The following ARHGEF4 variants were observed in gnomAD, a reference collection of about 807,000 sequenced individuals.
ARHGEF4 encodes Rho guanine nucleotide exchange factor 4.
Under a neutral mutation model 162.0 loss-of-function variants are expected in ARHGEF4, and 119 were observed. The observed-to-expected ratio is 0.73, with a 90% confidence interval of 0.63 to 0.86. ARHGEF4 has a LOEUF of 0.86. ARHGEF4 is among the 40% of genes least tolerant of loss of function. The probability of loss-of-function intolerance (pLI) is 0.00; values close to 1 mark genes in which losing one functional copy is unlikely to be tolerated. For missense variants in ARHGEF4, 2,488 were observed against 2,456.0 expected, an observed-to-expected ratio of 1.01 and a Z score of -0.28; for synonymous variants, 1,014 against 979.9, an observed-to-expected ratio of 1.03 and a Z score of -0.65.
chr2:130,878,386 TACTC>T (rs959077234), intron 1 of ARHGEF4, among the ~76,000 whole-genome samples: 1 of 152,206 alleles, frequency 6.6e-6, no homozygotes, highest in African/African-American at 2.4e-5. Flanking sequence ...AGGATTTTAT[TACTC>T]ACAGGCCAGA....
At chr2:130,992,809 T>G (rs189159835) in intron 4 of ARHGEF4, among the ~76,000 whole-genome samples, 2 of 152,264 alleles carry the variant, frequency 1.3e-5, no homozygotes, top group Admixed American at 6.5e-5. Flanking sequence ...ATCGGCCAGG[T>G]TCAGTACATC....
At chr2:131,021,467 A>G (rs928703408) in intron 4 of ARHGEF4, among the ~76,000 whole-genome samples, 2 of 152,170 alleles carry the variant, frequency 1.3e-5, no homozygotes, top group Non-Finnish European at 2.9e-5. Context: ...TACACCTTAT[A>G]CAAAAATTAA....
chr2:130,852,609 G>C (rs1395848794), intron 1 of ARHGEF4, among the ~76,000 whole-genome samples: 2 of 152,184 alleles, frequency 1.3e-5, no homozygotes, highest in East Asian at 3.9e-4. Context: ...TGGCCCATAA[G>C]GTGGGACGCC....
In ARHGEF4 at chr2:130,922,315, G is replaced by A. The variant is rs190274748; in HGVS notation, c.3552+4817G>A. Among the ~76,000 whole-genome samples the A allele has an allele frequency of 6.1e-4, 92 of 151,748 alleles. 1 individual carries two copies. Among genetic ancestry groups the A allele is most frequent in the Non-Finnish European group, 7.1e-4 (48 of 67,944 alleles). Reference sequence around the variant, plus strand: ...GAACCCAGGAGGTGGAGGTTGCGGCGAGCCGAGATTGCACCGTTGCACTCC... The same window carrying A: ...GAACCCAGGAGGTGGAGGTTGCGGCAAGCCGAGATTGCACCGTTGCACTCC... On this transcript the variant is annotated intron_variant, in intron 2 of 13. Transcript: ENST00000409359.
chr2:130,855,617 A>G (rs1681721391), intron 1 of ARHGEF4, among the ~76,000 whole-genome samples: 1 of 152,194 alleles, frequency 6.6e-6, no homozygotes, highest in African/African-American at 2.4e-5. Context: ...ACAGGCATGC[A>G]TACTTGCATG....
In ARHGEF4 at chr2:131,035,554, TG is replaced by T. The variant is rs1214084348; in HGVS notation, c.4126-3295del. 2.2e-5 allele frequency: 14 copies of T among 645,466 alleles called. 1 individual carries two copies. The Admixed American group carries it at 4.7e-4, about 22-fold the overall frequency. 40.0% of individuals were successfully genotyped at this position (645,466 alleles called of 1,614,324 possible). A position where few individuals can be genotyped will look rare whatever the true frequency, so the allele number is the denominator to read the frequency against. ...GAGTAACCGAGGATGCGGATTCAGC[TG>T]GGGCTCCCCGGCTGCTTGTCTGGAA... On this transcript the variant is annotated intron_variant, in intron 5 of 13. Coordinates refer to ENST00000409359, the MANE Select transcript of ARHGEF4 (RefSeq NM_001367493.1).
In ARHGEF4 at chr2:130,931,121, C is replaced by G. The variant is rs1383049756; in HGVS notation, c.3722C>G (p.Pro1241Arg). The G allele has an allele frequency of 1.2e-6, 2 of 1,614,198 alleles. No homozygotes were observed. The highest frequency in any genetic ancestry group is 1.1e-5 in the South Asian group (1 of 91,070). Residue 1241 changes from proline to arginine, a missense_variant, in exon 3 of 14, where the codon CCT (proline) becomes CGT (arginine). Coordinates refer to ENST00000409359, the MANE Select transcript of ARHGEF4 (RefSeq NM_001367493.1). The stretch of plus-strand genomic sequence containing the variant: ...GTGCGTGGGGAGGCTCCTTCACAGC[C>G]TAGGGGCATCCCTCACCGCTCGCCC... ...ETVRGEAPSQPRGIPHRSPVS... is the reference protein window; with the variant it reads ...ETVRGEAPSQRRGIPHRSPVS...
chr2:131,017,440 T>C (rs1201880180), intron 4 of ARHGEF4, among the ~76,000 whole-genome samples: 1 of 152,184 alleles, frequency 6.6e-6, no homozygotes, highest in Non-Finnish European at 1.5e-5. Context: ...GGAGCTGGAA[T>C]GTAAAATGAT....
At chr2:130,896,643 TTTTC>T (rs1288425778) in intron 1 of ARHGEF4, among the ~76,000 whole-genome samples, 7 of 152,198 alleles carry the variant, frequency 4.6e-5, no homozygotes, top group East Asian at 1.9e-4. Flanking sequence ...GCTGAGCCCA[TTTTC>T]TTTCTATTTC....
At chr2:130,950,692 CA>C (rs80148179) in intron 4 of ARHGEF4, among the ~76,000 whole-genome samples, 111 of 143,350 alleles carry the variant, frequency 7.7e-4, no homozygotes, top group East Asian at 2.3e-3. Context: ...TATTACCCCC[CA>C]CCACCACCCG....
At position 130,869,394 on chromosome 2, in the gene ARHGEF4, G is replaced by A. The variant is rs533069608; in HGVS notation, c.39+32402G>A. On this transcript the variant is annotated intron_variant, in intron 1 of 13. Transcript: ENST00000409359. ...GAGGGAGGAAGTCTCGCAGGGCTCC[G>A]GGTCTCTGCCTTCATCAGCTGGGTC... 1.5e-4 allele frequency among the ~76,000 whole-genome samples: 23 copies of A among 152,302 alleles called. No homozygotes were observed. In the East Asian group the frequency reaches 4.4e-3, roughly 29 times the overall value.
chr2:131,020,423 A>G (rs1041641243), intron 4 of ARHGEF4, among the ~76,000 whole-genome samples: 7 of 142,408 alleles, frequency 4.9e-5, no homozygotes, highest in African/African-American at 1.9e-4. Context: ...CCCACCTATG[A>G]GTGAGAATAT....
chr2:130,937,930 G>T (rs561795588), intron 3 of ARHGEF4, among the ~76,000 whole-genome samples: 1 of 152,126 alleles, frequency 6.6e-6, no homozygotes, highest in Non-Finnish European at 1.5e-5. Flanking sequence ...GCCTCCCAAA[G>T]TGCTGGGATT....
intron 4 of ARHGEF4, among the ~76,000 whole-genome samples, chr2:131,004,413 C>T (rs1687981223): frequency 6.6e-6 from 1 of 152,240 alleles, no homozygotes; most frequent in South Asian, 2.1e-4. Context: ...GATCCCCCTG[C>T]CTTGGCCTCC....
intron 4 of ARHGEF4, among the ~76,000 whole-genome samples, chr2:130,950,686 A>ACC (rs141201333): frequency 0.043 from 6,023 of 141,208 alleles, 177 homozygotes; most frequent in South Asian, 0.11. Context: ...TTTAGCTATT[A>ACC]CCCCCCACCA....
chr2:131,045,712 T>C (rs2105426401), intron 13 of ARHGEF4: 1 of 1,445,418 alleles, frequency 6.9e-7, no homozygotes, highest in Non-Finnish European at 9.1e-7. Flanking sequence ...CCAGGGTTCC[T>C]TCCTGACAGG....
chr2:130,927,505 AGACAGGGGTGTGTTGCAT>A (rs1682366997), intron 2 of ARHGEF4, among the ~76,000 whole-genome samples: 1 of 152,128 alleles, frequency 6.6e-6, no homozygotes, highest in African/African-American at 2.4e-5. Context: ...GGTGTGAGGG[AGACAGGGGTGTGTTGCAT>A]GGTTTTTACC....
intron 4 of ARHGEF4, among the ~76,000 whole-genome samples, chr2:130,954,798 T>G (rs2105171837): frequency 6.6e-6 from 1 of 152,328 alleles, no homozygotes; most frequent in East Asian, 1.9e-4. Flanking sequence ...AATAACTGAG[T>G]TTCCTGGGTG....
chr2:130,890,531 C>T (rs1441914467), intron 1 of ARHGEF4, among the ~76,000 whole-genome samples: 3 of 151,010 alleles, frequency 2.0e-5, no homozygotes, highest in African/African-American at 7.3e-5. Context: ...AACTGCACTC[C>T]AGCCTGGGTG....
Sources: gnomAD v4.1 joint callset for allele counts (sites outside exome capture counted in the v4.1 genomes callset) on GRCh38, gnomAD v4.1.1 for gene constraint, MANE v1.5 for transcripts, NCBI Gene and HGNC (gene_info 2026-07-23, HGNC 2026-07-21) for gene names.